CA6: variants seen among roughly 807,000 people sequenced by gnomAD.
CA6 encodes carbonic anhydrase 6.
A neutral mutation model predicts 35.9 loss-of-function variants in CA6; 28 were observed. That is an observed-to-expected ratio of 0.78 (90% confidence interval 0.58 to 1.07). The LOEUF (loss-of-function observed/expected upper bound fraction) is 1.07. CA6 is among the 50% of genes least tolerant of loss of function. The probability of loss-of-function intolerance (pLI) is 0.00; values close to 1 mark genes in which losing one functional copy is unlikely to be tolerated. For missense variants in CA6, 377 were observed against 382.0 expected, an observed-to-expected ratio of 0.99 and a Z score of 0.11; for synonymous variants, 148 against 152.6, an observed-to-expected ratio of 0.97 and a Z score of 0.22.
intron 4 of CA6, among the ~76,000 whole-genome samples, chr1:8,959,213 T>A (rs1569691436): frequency 6.6e-6 from 1 of 152,102 alleles, no homozygotes; most frequent in East Asian, 1.9e-4. Flanking sequence ...CAAGCTGACT[T>A]AAAAGAGCTG....
chr1:8,948,922 A>G (rs543155598), intron 1 of CA6, among the ~76,000 whole-genome samples: 7 of 151,792 alleles, frequency 4.6e-5, no homozygotes, highest in African/African-American at 1.5e-4. Flanking sequence ...GTGAGCCAAG[A>G]TTGCACCACT....
intron 6 of CA6, among the ~76,000 whole-genome samples, chr1:8,968,077 C>T (rs1273939751): frequency 6.7e-6 from 1 of 150,094 alleles, no homozygotes; most frequent in Non-Finnish European, 1.5e-5. Flanking sequence ...AAGCAATTCT[C>T]CTGCCTCAGC....
chr1:8,973,375 C>T (rs965219650), intron 7 of CA6, among the ~76,000 whole-genome samples: 6 of 152,164 alleles, frequency 3.9e-5, no homozygotes, highest in Non-Finnish European at 5.9e-5. Flanking sequence ...AACAATTTTA[C>T]GCTATTCTTG....
chr1:8,962,488 G>C, intron 4 of CA6, 99 bp from the exon 5 acceptor site: 1 of 992,990 alleles, frequency 1.0e-6, no homozygotes, highest in Non-Finnish European at 1.6e-6. Context: ...TACTCTCTAG[G>C]CTCGGCCCAA....
chr1:8,974,607 CTCT>C lies in CA6; in HGVS notation c.845-10_845-8del. The C allele has an allele frequency of 6.3e-7, 1 of 1,582,682 alleles. No homozygotes were observed. Among genetic ancestry groups the C allele is most frequent in the African/African-American group, 1.3e-5 (1 of 74,360 alleles). On this transcript the variant is annotated splice_polypyrimidine_tract_variant and intron_variant, in intron 7 of 7. Transcript: ENST00000377443. ...ACAAGGTTTAACCATTTCCGACTAA[CTCT>C]TCTTTTTACAGAATACACTCTAGGC...
At chr1:8,964,734 C>A (rs1484530703) in intron 5 of CA6, among the ~76,000 whole-genome samples, 1 of 152,158 alleles carries the variant, frequency 6.6e-6, no homozygotes, top group Non-Finnish European at 1.5e-5. Context: ...TCTCACCCAC[C>A]CCACCCTGAG....
chr1:8,966,860 C>T (rs927853777), intron 5 of CA6, among the ~76,000 whole-genome samples: 4 of 152,286 alleles, frequency 2.6e-5, no homozygotes, highest in African/African-American at 9.6e-5. Flanking sequence ...GAAGTGGCCC[C>T]ACCCTACGCC....
At position 8,974,629 on chromosome 1, in the gene CA6, T is replaced by C. The variant is rs1640219073; in HGVS notation, c.852T>C (p.Thr284=). The part of the protein sequence containing the change: ...VESNFPNQEY[T]LGSEFQFYLH... The stretch of plus-strand genomic sequence containing the variant: ...TAACTCTTCTTTTTACAGAATACAC[T>C]CTAGGCTCTGAATTCCAGTTTTACC... The change falls in exon 8 of 8, where the codon ACT becomes ACC. Residue 284 remains threonine, a synonymous_variant. Transcript: ENST00000377443. 1.2e-6 allele frequency: 2 copies of C among 1,603,312 alleles called. No homozygotes were observed. The highest frequency in any genetic ancestry group is 1.7e-6 in the Non-Finnish European group (2 of 1,171,670).
chr1:8,948,559 C>A (rs1639432326), intron 1 of CA6, among the ~76,000 whole-genome samples: 1 of 151,914 alleles, frequency 6.6e-6, no homozygotes, highest in Admixed American at 6.6e-5. Flanking sequence ...GACAACTGGG[C>A]CCTTGGGAGG....
intron 6 of CA6, among the ~76,000 whole-genome samples, chr1:8,970,407 T>C (rs1640077587): frequency 6.6e-6 from 1 of 152,154 alleles, no homozygotes. Context: ...GAATAATGCC[T>C]GAGACACAGC....
At chr1:8,951,805 A>G in intron 2 of CA6, 2 of 431,870 alleles carry the variant, frequency 4.6e-6, no homozygotes, top group Non-Finnish European at 8.0e-6. Context: ...GTTCACATTA[A>G]TTATATATAT....
chr1:8,953,186 T>G (rs1200819977), intron 2 of CA6, among the ~76,000 whole-genome samples: 1 of 152,232 alleles, frequency 6.6e-6, no homozygotes, highest in East Asian at 1.9e-4. Flanking sequence ...TTAAGTTTCC[T>G]CCATGTCTTT....
chr1:8,960,883 C>A (rs1639825295), intron 4 of CA6, among the ~76,000 whole-genome samples: 1 of 151,650 alleles, frequency 6.6e-6, no homozygotes, highest in Admixed American at 6.6e-5. Flanking sequence ...AGCCTCAAAT[C>A]TGAGGAAAAA....
intron 7 of CA6, among the ~76,000 whole-genome samples, chr1:8,973,710 C>CTCTTTCTTTCTTTCTTTTT (rs1640168923): frequency 9.4e-6 from 1 of 106,428 alleles, no homozygotes; most frequent in African/African-American, 3.8e-5. Context: ...TTCTTTCTCT[C>CTCTTTCTTTCTTTCTTTTT]TCTTTCTTTC....
At chr1:8,947,964 C>A (rs1421174587) in intron 1 of CA6, among the ~76,000 whole-genome samples, 1 of 151,908 alleles carries the variant, frequency 6.6e-6, no homozygotes, top group East Asian at 1.9e-4. Flanking sequence ...CCTGCCTTAG[C>A]CTCTCAAGTA....
chr1:8,974,900 T>A lies in CA6; in HGVS notation c.*196T>A. The A allele has an allele frequency of 2.1e-6, 1 of 474,986 alleles. No individual in the cohort carries two copies. The highest frequency in any genetic ancestry group is 4.3e-5 in the Admixed American group (1 of 23,256). 29.4% of individuals were successfully genotyped at this position (474,986 alleles called of 1,614,324 possible). A position where few individuals can be genotyped will look rare whatever the true frequency, so the allele number is the denominator to read the frequency against. ...ATCCTGGACAGGAAGTGAGATGGCTTCAGTTCATGAGACGGGATCTGAGTT... is the reference window on the plus strand; with the variant it reads ...ATCCTGGACAGGAAGTGAGATGGCTACAGTTCATGAGACGGGATCTGAGTT... On this transcript the variant is annotated 3_prime_UTR_variant, in exon 8 of 8. Transcript: ENST00000377443.
At chr1:8,953,702 TA>T (rs1639601101) in intron 2 of CA6, among the ~76,000 whole-genome samples, 3 of 152,190 alleles carry the variant, frequency 2.0e-5, no homozygotes. Context: ...TGTGGGTAAT[TA>T]CCAAGAGCTT....
intron 4 of CA6, 103 bp from the exon 5 acceptor site, chr1:8,962,484 C>A: frequency 1.0e-6 from 1 of 969,814 alleles, no homozygotes; most frequent in Non-Finnish European, 1.7e-6. Context: ...TCCTTACTCT[C>A]TAGGCTCGGC....
In CA6 at chr1:8,963,766, C is replaced by A. The variant is rs975612917; in HGVS notation, c.571+1110C>A. On this transcript the variant is annotated intron_variant, in intron 5 of 7. Transcript: ENST00000377443. This position sits in a 1 kb window ranked among gnomAD's most constrained non-coding sequence, Gnocchi z 4.1. Reference sequence around the variant, plus strand: ...CATGTTCTCAGGCTGGTCTTGAACTCCTGGGCTCAAGTGATCTGCCTGCCT... The same window carrying A: ...CATGTTCTCAGGCTGGTCTTGAACTACTGGGCTCAAGTGATCTGCCTGCCT... Among the ~76,000 whole-genome samples the A allele has an allele frequency of 6.6e-6, 1 of 152,150 alleles. No homozygotes were observed. The highest frequency in any genetic ancestry group is 1.5e-5 in the Non-Finnish European group (1 of 68,020).
Sources: gnomAD v4.1 joint callset for allele counts (sites outside exome capture counted in the v4.1 genomes callset) on GRCh38, gnomAD v4.1.1 for gene constraint, Gnocchi (gnomAD v3.1) non-coding constraint, MANE v1.5 for transcripts, NCBI Gene and HGNC (gene_info 2026-07-23, HGNC 2026-07-21) for gene names.